Variants in HIP1 observed in about 807,000 individuals in gnomAD.
The protein encoded by HIP1 is huntingtin-interacting protein 1.
HIP1 carries 65 observed loss-of-function variants against 147.6 expected under a neutral mutation model. The ratio of observed to expected loss-of-function variants is 0.44; its 90% CI spans 0.36 to 0.54. HIP1 has a LOEUF of 0.54. Ranked by LOEUF, HIP1 falls within the 20% of genes least tolerant of loss-of-function variation. The probability of loss-of-function intolerance (pLI) is 0.00; values close to 1 mark genes in which losing one functional copy is unlikely to be tolerated. For missense variants in HIP1, 1,061 were observed against 1,299.6 expected (o/e 0.82, Z 2.82); for synonymous variants, 479 against 504.0 (o/e 0.95, Z 0.67).
intron 14 of HIP1, 68 bp from the exon 15 acceptor site, chr7:75,558,323 C>G: frequency 8.2e-7 from 1 of 1,214,748 alleles, no homozygotes. Context: ...TGCAATGAGC[C>G]AGGGTCCCTA....
chr7:75,714,047 T>G (rs13236830), intron 1 of HIP1, among the ~76,000 whole-genome samples: 1 of 151,468 alleles, frequency 6.6e-6, no homozygotes, highest in Non-Finnish European at 1.5e-5. Context: ...TTTTATTTTT[T>G]CTTTTTGTTT....
intron 1 of HIP1, among the ~76,000 whole-genome samples, chr7:75,674,922 G>A (rs1799846555): frequency 7.0e-6 from 1 of 142,070 alleles, no homozygotes; most frequent in Non-Finnish European, 1.6e-5. Context: ...GTAGATCTCT[G>A]AATTTATCCT....
chr7:75,576,330 C>G (rs965342864), intron 7 of HIP1, among the ~76,000 whole-genome samples: 3 of 152,220 alleles, frequency 2.0e-5, no homozygotes, highest in Non-Finnish European at 4.4e-5. Context: ...AACTGAAACA[C>G]TAAAGTCTTC....
At chr7:75,549,463 C>G (rs782280092) in intron 22 of HIP1, among the ~76,000 whole-genome samples, 5 of 151,256 alleles carry the variant, frequency 3.3e-5, no homozygotes, top group African/African-American at 1.2e-4. Flanking sequence ...CTCCGCCTCC[C>G]GGGCTCAAGG....
At chr7:75,677,346 C>T (rs552053262) in intron 1 of HIP1, among the ~76,000 whole-genome samples, 10 of 151,500 alleles carry the variant, frequency 6.6e-5, no homozygotes, top group Admixed American at 5.9e-4. Flanking sequence ...TGGCTCACGC[C>T]TGTAATCCCA....
intron 1 of HIP1, among the ~76,000 whole-genome samples, chr7:75,627,950 T>C (rs937988192): frequency 6.6e-6 from 1 of 152,164 alleles, no homozygotes; most frequent in African/African-American, 2.4e-5. Flanking sequence ...AGCCAGACTG[T>C]AAGCCAAGTA....
chr7:75,597,445 G>A (rs1176251866), intron 2 of HIP1, among the ~76,000 whole-genome samples: 3 of 152,122 alleles, frequency 2.0e-5, no homozygotes, highest in African/African-American at 4.8e-5. Flanking sequence ...CTGAGGCTGG[G>A]TGCGGCCTCC....
intron 1 of HIP1, among the ~76,000 whole-genome samples, chr7:75,643,051 G>A (rs1278730690): frequency 4.6e-5 from 7 of 152,180 alleles, no homozygotes; most frequent in Non-Finnish European, 8.8e-5. Context: ...TGAGGTGGGC[G>A]TGTCTTGGTA....
intron 22 of HIP1, among the ~76,000 whole-genome samples, chr7:75,551,221 A>T (rs1238921367): frequency 2.8e-5 from 1 of 36,352 alleles, no homozygotes; most frequent in Non-Finnish European, 4.6e-5. Flanking sequence ...TTTTTGAGGC[A>T]GTGTCTCACT....
chr7:75,720,192 G>A (rs1210188150), intron 1 of HIP1, among the ~76,000 whole-genome samples: 5 of 151,928 alleles, frequency 3.3e-5, no homozygotes, highest in South Asian at 2.1e-4. Flanking sequence ...ACAGAGTCTC[G>A]CTCTGTCACC....
chr7:75,696,745 G>T (rs1441278873), intron 1 of HIP1, among the ~76,000 whole-genome samples: 1 of 150,874 alleles, frequency 6.6e-6, no homozygotes, highest in Non-Finnish European at 1.5e-5. Context: ...AATTACAAGT[G>T]CCTGCCACCA....
intron 28 of HIP1, 60 bp from the exon 29 acceptor site, chr7:75,542,040 G>GGTGCC: frequency 2.9e-6 from 4 of 1,371,276 alleles, no homozygotes; most frequent in Non-Finnish European, 4.2e-6. Context: ...TGGCACCTGA[G>GGTGCC]AGGCAGCCAA....
rs141752615 is a variant in HIP1, at chr7:75,691,474, G to A, written c.120+47327C>T. Among the ~76,000 whole-genome samples, 1,064 of 149,358 alleles carry A rather than the reference G, an allele frequency of 7.1e-3. 12 individuals carry two copies. The highest frequency in any genetic ancestry group is 0.024 in the East Asian group (122 of 5,036). On this transcript the variant is annotated intron_variant, in intron 1 of 30. Transcript: ENST00000336926. ...CCACTGCACTCCAGCCTGGGTGACA[G>A]AGTGAGACTCTGTCTCAAAAAAACA...
chr7:75,646,794 C>T (rs529550814), intron 1 of HIP1, among the ~76,000 whole-genome samples: 1 of 152,290 alleles, frequency 6.6e-6, no homozygotes, highest in South Asian at 2.1e-4. Context: ...TGGAGCTGCC[C>T]CTGGGGAACC....
chr7:75,604,238 A>G (rs144101532), intron 1 of HIP1, among the ~76,000 whole-genome samples: 1,610 of 152,322 alleles, frequency 0.011, 12 homozygotes, highest in Non-Finnish European at 0.018. Context: ...GAAAGGACTT[A>G]CAAGGCATAT....
intron 1 of HIP1, among the ~76,000 whole-genome samples, chr7:75,731,638 G>C (rs1554523051): frequency 6.6e-6 from 1 of 152,110 alleles, no homozygotes; most frequent in East Asian, 1.9e-4. Context: ...TGGGGCGCCA[G>C]GTTCAAGGCT....
chr7:75,580,826 C>T (rs962770126), intron 7 of HIP1, among the ~76,000 whole-genome samples: 2 of 152,094 alleles, frequency 1.3e-5, no homozygotes, highest in Non-Finnish European at 2.9e-5. Context: ...ACTGCAACCT[C>T]GACCTCCTGG....
intron 28 of HIP1, 108 bp downstream of exon 28, chr7:75,542,743 T>C (rs1275902824): frequency 1.9e-6 from 2 of 1,042,158 alleles, no homozygotes; most frequent in African/African-American, 3.2e-5. Context: ...ATGAAAAATA[T>C]GAAAGAATTT....
intron 1 of HIP1, among the ~76,000 whole-genome samples, chr7:75,692,712 G>A (rs1455881907): frequency 2.6e-5 from 4 of 151,834 alleles, no homozygotes; most frequent in Admixed American, 6.6e-5. Context: ...TTACAGGCAT[G>A]AGCCACTGCG....
Sources: allele counts gnomAD v4.1 joint callset (sites outside exome capture counted in the v4.1 genomes callset), GRCh38; gene constraint gnomAD v4.1.1; transcripts MANE v1.5; gene names NCBI Gene and HGNC (gene_info 2026-07-23, HGNC 2026-07-21).